Variants in KYNU observed in about 807,000 individuals in gnomAD.
KYNU encodes the protein kynureninase, also known as L-kynurenine hydrolase.
In KYNU, 54 loss-of-function variants were observed where a neutral mutation model predicts 59.2. The observed-to-expected ratio is 0.91, with a 90% CI of 0.73 to 1.14. KYNU has a LOEUF of 1.14. Ranked by LOEUF, KYNU falls within the 50% of genes most tolerant of loss-of-function variation. KYNU has a pLI of 0.00. For missense variants in KYNU, 567 were observed against 554.4 expected (o/e 1.02, Z -0.23); for synonymous variants, 177 against 192.0 (o/e 0.92, Z 0.65).
intron 10 of KYNU, among the ~76,000 whole-genome samples, chr2:143,004,584 G>A (rs533242941): frequency 5.9e-4 from 90 of 152,012 alleles, no homozygotes; most frequent in Admixed American, 2.0e-3. Context: ...GGTGGTGTGC[G>A]CCACCACTCG....
chr2:142,972,517 A>G (rs574583665), intron 8 of KYNU, among the ~76,000 whole-genome samples: 1 of 152,240 alleles, frequency 6.6e-6, no homozygotes, highest in South Asian at 2.1e-4. Flanking sequence ...GATAATAGCT[A>G]CAGTTGATGG....
At chr2:142,948,349 G>T (rs951255770) in intron 4 of KYNU, among the ~76,000 whole-genome samples, 3 of 152,146 alleles carry the variant, frequency 2.0e-5, no homozygotes, top group Non-Finnish European at 4.4e-5. Flanking sequence ...TGTTGGGGCT[G>T]GTTTGATCAT....
intron 4 of KYNU, among the ~76,000 whole-genome samples, chr2:142,945,494 A>G (rs570623851): frequency 1.3e-5 from 2 of 152,250 alleles, no homozygotes; most frequent in South Asian, 4.2e-4. Context: ...CTATTCCACT[A>G]CATCTGCAAT....
chr2:143,037,287 A>G (rs2104922959), intron 12 of KYNU, among the ~76,000 whole-genome samples: 1 of 152,344 alleles, frequency 6.6e-6, no homozygotes, highest in Middle Eastern at 3.4e-3. Context: ...AGATGTTTGG[A>G]CAAGATTATT....
intron 13 of KYNU, among the ~76,000 whole-genome samples, chr2:143,041,144 T>C (rs747461800): frequency 3.9e-5 from 6 of 152,090 alleles, no homozygotes; most frequent in Non-Finnish European, 8.8e-5. Context: ...GTGGTAACAT[T>C]GCAAGGAATA....
intron 11 of KYNU, among the ~76,000 whole-genome samples, chr2:143,032,747 G>GTGTGTGTGTGTGTGTC (rs1686793590): frequency 1.3e-5 from 2 of 151,774 alleles, no homozygotes; most frequent in African/African-American, 4.8e-5. Flanking sequence ...GTGTGTCTGT[G>GTGTGTGTGTGTGTGTC]TGTGTTCTGT....
At position 143,052,460 on chromosome 2, in the gene KYNU, A is replaced by C. The variant is rs868475585; in HGVS notation, c.*10288A>C. ...TTTGTGGCAGCCCCTCCCATCACAG[A>C]CCAGGAGCTTTAGAAGGAAAAATGG... On this transcript the variant is annotated 3_prime_UTR_variant, in exon 14 of 14. Transcript: ENST00000264170. 6.6e-6 allele frequency: 1 copy of C among 152,238 alleles called. No individual in the cohort carries two copies. The allele number at this position is 152,238 out of a possible 1,614,324, so 9.4% of individuals were successfully genotyped here. A position where few individuals can be genotyped will look rare whatever the true frequency, so the allele number is the denominator to read the frequency against.
intron 4 of KYNU, among the ~76,000 whole-genome samples, chr2:142,936,795 T>TTCCTTTGTCTGG (rs1408850791): frequency 2.6e-5 from 4 of 152,154 alleles, no homozygotes; most frequent in Non-Finnish European, 5.9e-5. Flanking sequence ...GCTGAGGAGT[T>TTCCTTTGTCTGG]TCCTTTGTCT....
intron 10 of KYNU, among the ~76,000 whole-genome samples, chr2:143,019,398 G>A (rs1367522811): frequency 6.6e-6 from 1 of 152,072 alleles, no homozygotes; most frequent in Admixed American, 6.6e-5. Context: ...TTATCATAAG[G>A]TTTTTGTCCT....
At chr2:142,937,517 T>G (rs1406724958) in intron 4 of KYNU, among the ~76,000 whole-genome samples, 2 of 150,298 alleles carry the variant, frequency 1.3e-5, no homozygotes, top group East Asian at 3.9e-4. Flanking sequence ...CCAAACTAAA[T>G]TTAACGGAGT....
At chr2:142,914,007 T>C (rs932845095) in intron 2 of KYNU, among the ~76,000 whole-genome samples, 14 of 152,214 alleles carry the variant, frequency 9.2e-5, no homozygotes, top group African/African-American at 3.4e-4. Flanking sequence ...CTTGGCACCA[T>C]TACAGTAGCT....
At chr2:142,922,044 C>T (rs1231582944) in intron 3 of KYNU, among the ~76,000 whole-genome samples, 1 of 152,172 alleles carries the variant, frequency 6.6e-6, no homozygotes, top group East Asian at 1.9e-4. Flanking sequence ...TATGCCACTT[C>T]TGCTCTACTT....
rs1687119399 is a variant in KYNU at position 143,043,754 on chromosome 2, TA to T, written c.*1583del. 1 of 140,958 alleles carries T rather than the reference TA, an allele frequency of 7.1e-6. No individual in the cohort carries two copies. The highest frequency in any genetic ancestry group is 1.6e-5 in the Non-Finnish European group (1 of 64,428). 8.7% of individuals were successfully genotyped at this position (140,958 alleles called of 1,614,324 possible). A position where few individuals can be genotyped will look rare whatever the true frequency, so the allele number is the denominator to read the frequency against. On this transcript the variant is annotated 3_prime_UTR_variant, in exon 14 of 14. Coordinates refer to ENST00000264170, the MANE Select transcript of KYNU (RefSeq NM_003937.3). ...TATATATAAATATATATACTTTATATATATTTATATTTATATATTTATATAT... is the reference window on the plus strand; with the variant it reads ...TATATATAAATATATATACTTTATATTATTTATATTTATATATTTATATAT...
intron 2 of KYNU, among the ~76,000 whole-genome samples, chr2:142,902,923 A>G (rs1188243283): frequency 6.6e-6 from 1 of 152,222 alleles, no homozygotes; most frequent in Admixed American, 6.5e-5. Context: ...AGAATTGAGA[A>G]TCAGAATGTA....
rs114431588 is a variant in KYNU at position 142,953,595 on chromosome 2, T to C, written c.374-1215T>C. Among the ~76,000 whole-genome samples the C allele has an allele frequency of 5.3e-3, 804 of 152,332 alleles. 11 individuals are homozygous for C. Among genetic ancestry groups the C allele is most frequent in the African/African-American group, 0.019 (770 of 41,580 alleles). On this transcript the variant is annotated intron_variant, in intron 4 of 13. Transcript: ENST00000264170. The stretch of plus-strand genomic sequence containing the variant: ...AGCTTATATTCATATCTATTTAGTA[T>C]ATCCAGGACAAATTTTATTTAGTTC...
intron 8 of KYNU, among the ~76,000 whole-genome samples, chr2:142,968,480 T>C (rs1684614416): frequency 6.6e-6 from 1 of 152,176 alleles, no homozygotes; most frequent in Non-Finnish European, 1.5e-5. Context: ...TGGAAAGCCA[T>C]TGAAAGGTTT....
intron 12 of KYNU, among the ~76,000 whole-genome samples, chr2:143,038,069 T>G (rs972706821): frequency 4.6e-5 from 7 of 152,182 alleles, no homozygotes; most frequent in African/African-American, 1.7e-4. Flanking sequence ...AAGAGCAACA[T>G]TCCCTACGCC....
chr2:142,952,268 G>C (rs1036178463), intron 4 of KYNU, among the ~76,000 whole-genome samples: 3 of 152,026 alleles, frequency 2.0e-5, no homozygotes, highest in African/African-American at 7.2e-5. Context: ...TAGAGACAGG[G>C]TCTCACCATG....
At chr2:142,928,410 T>C (rs996830795) in intron 4 of KYNU, among the ~76,000 whole-genome samples, 2 of 152,216 alleles carry the variant, frequency 1.3e-5, no homozygotes, top group African/African-American at 4.8e-5. Flanking sequence ...GGAGTGGTGC[T>C]ATTTGGAACT....
Sources: gnomAD v4.1 joint callset for allele counts (sites outside exome capture counted in the v4.1 genomes callset) on GRCh38, gnomAD v4.1.1 for gene constraint, MANE v1.5 for transcripts, NCBI Gene and HGNC (gene_info 2026-07-23, HGNC 2026-07-21) for gene names.